The following EMSY variants were observed in gnomAD, a reference collection of about 807,000 sequenced individuals.
The protein encoded by EMSY is EMSY transcriptional repressor, BRCA2 interacting.
Under a neutral mutation model 134.6 loss-of-function variants are expected in EMSY, and 26 were observed. The ratio of observed to expected loss-of-function variants is 0.19; its 90% CI spans 0.14 to 0.27. EMSY has a LOEUF of 0.27. Ranked by LOEUF, EMSY falls within the 10% of genes least tolerant of loss-of-function variation. EMSY has a pLI of 1.00. For synonymous variants in EMSY, 579 were observed against 577.8 expected, an observed-to-expected ratio of 1.00 and a Z score of -0.03; for missense variants, 1,305 against 1,611.4, an observed-to-expected ratio of 0.81 and a Z score of 3.26.
At chr11:76,528,494 A>G (rs750881195) in intron 14 of EMSY, 28 bp downstream of exon 15, 28 of 1,546,750 alleles carry the variant, frequency 1.8e-5, no homozygotes, top group Non-Finnish European at 2.3e-5. Flanking sequence ...TCTGATTTAT[A>G]TAAGTACTAC....
exon 21 of EMSY, chr11:76,550,365 A>AG (rs1479586583): frequency 2.7e-6 from 1 of 365,282 alleles, no homozygotes; most frequent in Non-Finnish European, 4.8e-6. Context: ...AAAAAGAAAA[A>AG]AAAAGCTGCA....
At chr11:76,526,838 A>G (rs571339026) in intron 13 of EMSY, among the ~76,000 whole-genome samples, 1 of 152,280 alleles carries the variant, frequency 6.6e-6, no homozygotes, top group Non-Finnish European at 1.5e-5. Context: ...CTAAATGTGT[A>G]TGTTGTGCTA....
chr11:76,523,349 A>G (rs910099277), intron 12 of EMSY, 58 bp downstream of exon 13: 10 of 1,554,392 alleles, frequency 6.4e-6, no homozygotes, highest in East Asian at 4.5e-5. Flanking sequence ...AAGACCAGCT[A>G]TATAAATATT....
At chr11:76,477,293 T>C (rs1948806597) in intron 8 of EMSY, among the ~76,000 whole-genome samples, 1 of 150,936 alleles carries the variant, frequency 6.6e-6, no homozygotes, top group Non-Finnish European at 1.5e-5. Context: ...TTTTTGTTTT[T>C]TGTTTTTTTT....
In EMSY at chr11:76,502,287, C is replaced by CAA. The variant is rs34882734; in HGVS notation, c.1363+5841_1363+5842dup. On this transcript the variant is annotated intron_variant, in intron 9 of 20. Coordinates refer to ENST00000334736, the Ensembl canonical transcript of EMSY. Reference sequence around the variant, plus strand: ...AGAGGCTCAAGTAAGAGAAAATGGGCAAAAAAAAAAAAAAAAAAAAAAAAG... The same window carrying CAA: ...AGAGGCTCAAGTAAGAGAAAATGGGCAAAAAAAAAAAAAAAAAAAAAAAAAAG... 1.6e-3 allele frequency among the ~76,000 whole-genome samples: 14 copies of CAA among 8,536 alleles called. 4 individuals are homozygous for CAA. The highest frequency in any genetic ancestry group is 4.3e-3 in the African/African-American group (8 of 1,866). 5.6% of individuals were successfully genotyped at this position (8,536 alleles called of 152,430 possible).
At chr11:76,526,666 G>C (rs763249902) in intron 13 of EMSY, 31 bp downstream of exon 14, 2 of 1,517,252 alleles carry the variant, frequency 1.3e-6, no homozygotes, top group African/African-American at 1.4e-5. Context: ...ATTTTTCTTG[G>C]CTCTTAAATA....
intron 8 of EMSY, among the ~76,000 whole-genome samples, chr11:76,489,179 A>G (rs1949312874): frequency 6.6e-6 from 1 of 152,232 alleles, no homozygotes; most frequent in African/African-American, 2.4e-5. Flanking sequence ...GGAGAAAGGA[A>G]ATTAGGACAG....
At chr11:76,475,619 G>A (rs1352436385) in intron 8 of EMSY, among the ~76,000 whole-genome samples, 2 of 152,182 alleles carry the variant, frequency 1.3e-5, no homozygotes, top group African/African-American at 4.8e-5. Context: ...GAAACGATGT[G>A]ATTATTTTGT....
intron 8 of EMSY, among the ~76,000 whole-genome samples, chr11:76,487,428 G>A (rs908928102): frequency 2.6e-5 from 4 of 152,222 alleles, no homozygotes; most frequent in Non-Finnish European, 5.9e-5. Context: ...GCTGATACAA[G>A]TATTCTGGTG....
At chr11:76,454,715 A>G (rs1187558639) in intron 4 of EMSY, 34 bp from the exon 5 acceptor site, 1 of 1,368,188 alleles carries the variant, frequency 7.3e-7, no homozygotes, top group Non-Finnish European at 9.9e-7. Context: ...GATAACATTT[A>G]TTTAGTCTCC....
At chr11:76,535,833 T>TG (rs1173079195) in intron 14 of EMSY, 62 bp from the exon 16 acceptor site, 4 of 1,264,654 alleles carry the variant, frequency 3.2e-6, no homozygotes, top group East Asian at 2.8e-5. Flanking sequence ...ATTGTTTGTT[T>TG]TTTTTTTTTT....
intron 8 of EMSY, among the ~76,000 whole-genome samples, chr11:76,483,817 A>G (rs1949075624): frequency 1.3e-5 from 2 of 152,170 alleles, no homozygotes; most frequent in South Asian, 4.1e-4. Context: ...TTAACACCCC[A>G]CTGTCAATAT....
In EMSY at chr11:76,447,035, C is replaced by T. The variant is rs542818656; in HGVS notation, c.70+27C>T. On this transcript the variant is annotated intron_variant, in intron 2 of 20. Transcript: ENST00000334736. ...TATGACGTTCATTGTTTGTTTTTTA[C>T]CTCTCTCTGATACCTTTTTTCCCTT... 3.7e-6 allele frequency: 6 copies of T among 1,607,910 alleles called. No individual in the cohort carries two copies. In the African/African-American group the frequency reaches 5.3e-5, roughly 14 times the overall value.
intron 12 of EMSY, among the ~76,000 whole-genome samples, chr11:76,524,689 G>A (rs929733187): frequency 6.6e-6 from 1 of 152,152 alleles, no homozygotes; most frequent in Non-Finnish European, 1.5e-5. Flanking sequence ...ACAACCGTTT[G>A]ACACAGGCAG....
At chr11:76,511,452 C>T (rs1035542520) in intron 9 of EMSY, among the ~76,000 whole-genome samples, 2 of 152,052 alleles carry the variant, frequency 1.3e-5, no homozygotes, top group Non-Finnish European at 2.9e-5. Context: ...CCTGTAATCC[C>T]TTTGGGAGGC....
exon 19 of EMSY, chr11:76,544,501 A>C: frequency 6.2e-7 from 1 of 1,614,166 alleles, no homozygotes; most frequent in Non-Finnish European, 8.5e-7. Flanking sequence ...ACCTGCAGGC[A>C]GACCAGCTCC....
intron 8 of EMSY, among the ~76,000 whole-genome samples, chr11:76,485,760 GA>G (rs1422603126): frequency 2.0e-5 from 3 of 152,174 alleles, no homozygotes; most frequent in Non-Finnish European, 2.9e-5. Context: ...AGGAAGAGAG[GA>G]AGTCCATGTG....
chr11:76,464,165 A>G (rs1948256232), intron 7 of EMSY, 85 bp downstream of exon 8: 3 of 1,498,132 alleles, frequency 2.0e-6, no homozygotes, highest in Non-Finnish European at 1.8e-6. Context: ...CTGAGTGCTT[A>G]CTATGTGCTT....
intron 8 of EMSY, among the ~76,000 whole-genome samples, chr11:76,475,534 G>T (rs2135411135): frequency 6.6e-6 from 1 of 152,274 alleles, no homozygotes; most frequent in South Asian, 2.1e-4. Context: ...ACATCTCAGA[G>T]ATTTCTCTTA....
Sources: gnomAD v4.1 joint callset for allele counts (sites outside exome capture counted in the v4.1 genomes callset) on GRCh38, gnomAD v4.1.1 for gene constraint, MANE v1.5 for transcripts, NCBI Gene and HGNC (gene_info 2026-07-23, HGNC 2026-07-21) for gene names.